PDZD2: variants seen among roughly 807,000 people sequenced by gnomAD.
PDZD2 encodes PDZ domain containing 2, also known as PDZ domain-containing protein 2.
PDZD2 carries 90 observed loss-of-function variants against 220.7 expected under a neutral mutation model. The observed-to-expected ratio is 0.41, with a 90% CI of 0.34 to 0.49. The LOEUF (loss-of-function observed/expected upper bound fraction) is 0.49. Among genes scored for constraint, PDZD2 ranks in the 20% least tolerant of loss-of-function variants. The pLI is 0.28. For synonymous variants in PDZD2, 1,375 were observed against 1,450.5 expected (o/e 0.95, Z 1.18); for missense variants, 3,174 against 3,608.5 (o/e 0.88, Z 3.08).
intron 2 of PDZD2, among the ~76,000 whole-genome samples, chr5:31,865,621 C>CT (rs776271275): frequency 0.041 from 2,802 of 67,812 alleles, 690 homozygotes; most frequent in African/African-American, 0.076. Flanking sequence ...CTACTGGCAA[C>CT]TTTTTTTTTT....
chr5:31,779,167 C>T (rs965663821), intron 1 of PDZD2, among the ~76,000 whole-genome samples: 1 of 152,102 alleles, frequency 6.6e-6, no homozygotes, highest in African/African-American at 2.4e-5. Context: ...CTCCCAGCCC[C>T]ACCACTGCAC....
In PDZD2 at chr5:31,646,390, C is replaced by T. The variant is rs112817240; in HGVS notation, c.-361+6953C>T. Among the ~76,000 whole-genome samples, 601 of 152,264 alleles carry T rather than the reference C, an allele frequency of 3.9e-3. 8 individuals are homozygous for T. The highest frequency in any genetic ancestry group is 0.014 in the African/African-American group (569 of 41,542). On this transcript the variant is annotated intron_variant, in intron 1 of 24. Coordinates refer to ENST00000438447, the MANE Select transcript of PDZD2 (RefSeq NM_178140.4). This position sits in a 1 kb window ranked among gnomAD's most constrained non-coding sequence, Gnocchi z 4.7. ...TGTCTTCAGGAACCTGACCCCTCCA[C>T]GTCATGAACACTAAGTAGCTCCTGA... is the stretch of plus-strand genomic sequence containing the variant.
chr5:31,877,458 A>G (rs1335108791), intron 2 of PDZD2, among the ~76,000 whole-genome samples: 1 of 152,016 alleles, frequency 6.6e-6, no homozygotes, highest in African/African-American at 2.4e-5. Flanking sequence ...AGCTCAAGTT[A>G]TCTGTCTCCC....
rs1749072131 is a variant in PDZD2 at position 31,725,518 on chromosome 5, G to A, written c.-360-73371G>A. The A allele has an allele frequency of 3.0e-6, 4 of 1,313,220 alleles. No individual in the cohort carries two copies. In the Middle Eastern group the frequency reaches 5.8e-4, roughly 189 times the overall value. 81.3% of individuals were successfully genotyped at this position (1,313,220 alleles called of 1,614,324 possible). On this transcript the variant is annotated intron_variant, in intron 1 of 24. Coordinates refer to ENST00000438447, the MANE Select transcript of PDZD2 (RefSeq NM_178140.4). ...ATGATCCATGTCTAAAAATGATCAT[G>A]GTTTATACTACCAGGGGCCACTGGA...
intron 1 of PDZD2, among the ~76,000 whole-genome samples, chr5:31,666,124 T>A (rs949746717): frequency 4.6e-5 from 7 of 152,168 alleles, no homozygotes; most frequent in Admixed American, 2.0e-4. Flanking sequence ...TGGTACAAAT[T>A]TTCAAATGCC....
chr5:32,038,920 G>A (rs935509669), intron 7 of PDZD2, among the ~76,000 whole-genome samples: 1 of 152,190 alleles, frequency 6.6e-6, no homozygotes, highest in African/African-American at 2.4e-5. Context: ...TTTAAGAAAT[G>A]CACATTAAAG....
chr5:31,910,531 C>T (rs751846693), intron 2 of PDZD2, among the ~76,000 whole-genome samples: 4 of 151,060 alleles, frequency 2.6e-5, no homozygotes. Context: ...ACTGGGATTA[C>T]AGGCACTCAC....
At chr5:31,985,635 G>A (rs1444502411) in intron 3 of PDZD2, among the ~76,000 whole-genome samples, 3 of 152,148 alleles carry the variant, frequency 2.0e-5, no homozygotes, top group South Asian at 2.1e-4. Flanking sequence ...GGAGGTTGCC[G>A]TGAGCCAGGA....
Position 31,926,211 on chromosome 5 carries a change from C to T in PDZD2, c.477-56944C>T, listed in dbSNP as rs1744740455. 2.2e-5 allele frequency among the ~76,000 whole-genome samples: 3 copies of T among 135,182 alleles called. No individual in the cohort carries two copies. In the South Asian group the frequency reaches 7.6e-4, roughly 34 times the overall value. 88.7% of individuals were successfully genotyped at this position (135,182 alleles called of 152,430 possible). ...CCCCAGCCTGGGCAACGGAGCAAGA[C>T]CCTGTCACTTAAAAAAAAAAAAAAA... On this transcript the variant is annotated intron_variant, in intron 2 of 24. Coordinates refer to ENST00000438447, the MANE Select transcript of PDZD2 (RefSeq NM_178140.4).
chr5:31,834,502 G>C (rs1321979856), intron 2 of PDZD2, among the ~76,000 whole-genome samples: 1 of 152,164 alleles, frequency 6.6e-6, no homozygotes, highest in Non-Finnish European at 1.5e-5. Flanking sequence ...ATAGAAGATA[G>C]AGAAAAGGAT....
At chr5:31,789,758 A>G (rs1286709369) in intron 1 of PDZD2, among the ~76,000 whole-genome samples, 5 of 152,110 alleles carry the variant, frequency 3.3e-5, no homozygotes, top group African/African-American at 9.7e-5. Flanking sequence ...ATCTCTACTA[A>G]AAATACAAAA....
At chr5:32,044,303 C>T (rs554368735) in intron 7 of PDZD2, among the ~76,000 whole-genome samples, 13 of 152,100 alleles carry the variant, frequency 8.5e-5, no homozygotes, top group East Asian at 3.9e-4. Flanking sequence ...CACTGCAGCC[C>T]GGGCAACACC....
intron 1 of PDZD2, among the ~76,000 whole-genome samples, chr5:31,653,826 T>TGC (rs1271326252): frequency 5.1e-4 from 78 of 152,170 alleles, no homozygotes; most frequent in Non-Finnish European, 8.4e-4. Context: ...ACTCTGTCAC[T>TGC]CAGGCTGGAG....
chr5:31,773,233 CT>C (rs1220691515), intron 1 of PDZD2, among the ~76,000 whole-genome samples: 3 of 152,208 alleles, frequency 2.0e-5, no homozygotes, highest in Non-Finnish European at 4.4e-5. Context: ...CTAGTAGCCC[CT>C]TTCCTTTACT....
At chr5:32,029,250 AGTCCC>A (rs1270542387) in intron 6 of PDZD2, among the ~76,000 whole-genome samples, 1 of 143,316 alleles carries the variant, frequency 7.0e-6, no homozygotes, top group Non-Finnish European at 1.5e-5. Context: ...CCCAAACCCC[AGTCCC>A]TAGACAGTTG....
intron 1 of PDZD2, among the ~76,000 whole-genome samples, chr5:31,740,294 G>A (rs1044248191): frequency 5.3e-5 from 8 of 151,780 alleles, no homozygotes; most frequent in African/African-American, 1.7e-4. Flanking sequence ...GCCGAGGCGG[G>A]CAGATCACAA....
chr5:31,698,880 C>T (rs1487137601), intron 1 of PDZD2, among the ~76,000 whole-genome samples: 3 of 152,158 alleles, frequency 2.0e-5, no homozygotes, highest in Non-Finnish European at 2.9e-5. Flanking sequence ...TGACCCCATC[C>T]GTCTTCCCTG....
intron 2 of PDZD2, among the ~76,000 whole-genome samples, chr5:31,952,086 A>G (rs966161310): frequency 1.3e-5 from 2 of 152,190 alleles, no homozygotes; most frequent in African/African-American, 4.8e-5. Flanking sequence ...ATCTGTCACT[A>G]TTTTATGTCT....
intron 1 of PDZD2, among the ~76,000 whole-genome samples, chr5:31,787,459 G>A (rs1753444905): frequency 6.6e-6 from 1 of 151,966 alleles, no homozygotes; most frequent in African/African-American, 2.4e-5. Context: ...TATTCATTAG[G>A]GTTTTTTGGC....
Sources: allele counts gnomAD v4.1 joint callset (sites outside exome capture counted in the v4.1 genomes callset), GRCh38; gene constraint gnomAD v4.1.1; non-coding constraint Gnocchi (gnomAD v3.1); transcripts MANE v1.5; gene names NCBI Gene and HGNC (gene_info 2026-07-23, HGNC 2026-07-21).